MON2: variants seen among roughly 807,000 people sequenced by gnomAD.
MON2 encodes protein MON2 homolog.
In MON2, 84 loss-of-function variants were observed where a neutral mutation model predicts 208.6. The observed-to-expected ratio is 0.40, with a 90% CI of 0.34 to 0.48. The LOEUF (loss-of-function observed/expected upper bound fraction) is 0.48. Ranked by LOEUF, MON2 falls within the 20% of genes least tolerant of loss-of-function variation. The probability of loss-of-function intolerance (pLI) is 0.59; values close to 1 mark genes in which losing one functional copy is unlikely to be tolerated. For missense variants in MON2, 1,611 were observed against 2,015.4 expected, an observed-to-expected ratio of 0.80 and a Z score of 3.84; for synonymous variants, 660 against 694.0, an observed-to-expected ratio of 0.95 and a Z score of 0.77.
chr12:62,560,617 T>G lies in MON2; in HGVS notation c.3536T>G (p.Val1179Gly), dbSNP rs760285348. ...FQEILQIVSP[V>G]RDSDKPETPP... Reference sequence around the variant, plus strand: ...GAAATTTTACAGATTGTGTCCCCTGTCAGAGACTCAGATAAGCCTGAGACA... The same window carrying G: ...GAAATTTTACAGATTGTGTCCCCTGGCAGAGACTCAGATAAGCCTGAGACA... Residue 1179 changes from valine (V) to glycine (G), a missense_variant, in exon 26 of 35, where the codon GTC becomes GGC. Physicochemically the swap from Val to Gly is moderately radical, Grantham distance 109 (BLOSUM62 -3). Coordinates refer to ENST00000393630, the MANE Select transcript of MON2 (RefSeq NM_015026.3). 6.2e-7 allele frequency: 1 copy of G among 1,614,094 alleles called. No homozygotes were observed. Among genetic ancestry groups the G allele is most frequent in the Non-Finnish European group, 8.5e-7 (1 of 1,180,006 alleles).
intron 29 of MON2, among the ~76,000 whole-genome samples, chr12:62,570,734 T>C (rs1174256657): frequency 3.0e-5 from 4 of 133,162 alleles, no homozygotes; most frequent in African/African-American, 5.7e-5. Context: ...TTTTTTTTTT[T>C]TTTTTTTTTT....
At chr12:62,524,787 G>T in intron 9 of MON2, 148 bp downstream of exon 9, 1 of 836,798 alleles carries the variant, frequency 1.2e-6, no homozygotes, top group South Asian at 2.0e-5. Flanking sequence ...ATAGGGTATT[G>T]TATCTATAAG....
At chr12:62,585,097 AC>A (rs2075162765) in intron 32 of MON2, among the ~76,000 whole-genome samples, 196 bp from the exon 33 acceptor site, 4 of 107,780 alleles carry the variant, frequency 3.7e-5, no homozygotes, top group African/African-American at 7.9e-5. Context: ...ACACACACAC[AC>A]ACACACACAC....
intron 1 of MON2, among the ~76,000 whole-genome samples, chr12:62,483,902 T>C (rs774171146): frequency 6.6e-6 from 1 of 152,240 alleles, no homozygotes; most frequent in Non-Finnish European, 1.5e-5. Context: ...GGGATTGAGG[T>C]ATTCCAGATA....
chr12:62,520,599 G>A (rs1029873504), intron 8 of MON2, among the ~76,000 whole-genome samples: 1 of 151,858 alleles, frequency 6.6e-6, no homozygotes, highest in Non-Finnish European at 1.5e-5. Flanking sequence ...CAGTAAAAAC[G>A]CTTCATGTGT....
At chr12:62,549,627 A>G (rs1165546931) in intron 22 of MON2, 41 bp from the exon 23 acceptor site, 3 of 1,518,384 alleles carry the variant, frequency 2.0e-6, no homozygotes, top group Non-Finnish European at 2.7e-6. Context: ...TAAATAAATA[A>G]ATAAAATAAG....
At chr12:62,549,109 A>G (rs1277581821) in intron 22 of MON2, among the ~76,000 whole-genome samples, 1 of 152,120 alleles carries the variant, frequency 6.6e-6, no homozygotes, top group African/African-American at 2.4e-5. Flanking sequence ...AAGTAATATG[A>G]TGTTAATACT....
At chr12:62,585,180 G>T (rs1366237748) in intron 32 of MON2, 114 bp from the exon 33 acceptor site, 1 of 755,076 alleles carries the variant, frequency 1.3e-6, no homozygotes, top group Non-Finnish European at 2.2e-6. Flanking sequence ...GTTGTTCTAG[G>T]TGCCTTTCAC....
At chr12:62,504,543 G>A (rs535692461) in intron 7 of MON2, among the ~76,000 whole-genome samples, 4 of 151,928 alleles carry the variant, frequency 2.6e-5, no homozygotes, top group Admixed American at 1.3e-4. Context: ...CACCGCACCC[G>A]GCCTGTTTTT....
At chr12:62,512,086 G>T (rs1457242537) in intron 8 of MON2, among the ~76,000 whole-genome samples, 1 of 152,094 alleles carries the variant, frequency 6.6e-6, no homozygotes, top group Non-Finnish European at 1.5e-5. Context: ...CCTCCCACCA[G>T]GTCCCTCCCA....
At chr12:62,486,141 A>G (rs2069777176) in intron 2 of MON2, among the ~76,000 whole-genome samples, 3 of 152,102 alleles carry the variant, frequency 2.0e-5, no homozygotes, top group Admixed American at 2.0e-4. Context: ...TATCACTGTA[A>G]ATATTTAAAA....
intron 30 of MON2, among the ~76,000 whole-genome samples, chr12:62,571,795 A>G (rs561365829): frequency 6.6e-6 from 1 of 152,350 alleles, no homozygotes; most frequent in East Asian, 1.9e-4. Context: ...CTTATAAGAC[A>G]GGAATATTAT....
At chr12:62,579,279 AAG>A (rs1291468424) in intron 31 of MON2, among the ~76,000 whole-genome samples, 2 of 151,994 alleles carry the variant, frequency 1.3e-5, no homozygotes, top group Non-Finnish European at 2.9e-5. Context: ...GTAAAAAAGT[AAG>A]AAATATGTTT....
intron 7 of MON2, among the ~76,000 whole-genome samples, chr12:62,506,687 T>C (rs1173389450): frequency 1.3e-5 from 2 of 151,512 alleles, no homozygotes; most frequent in East Asian, 1.9e-4. Flanking sequence ...GATTGTACCA[T>C]TGCACTCCAG....
At chr12:62,564,603 A>C (rs1304827381) in intron 26 of MON2, among the ~76,000 whole-genome samples, 6 of 152,112 alleles carry the variant, frequency 3.9e-5, no homozygotes, top group African/African-American at 1.4e-4. Flanking sequence ...ATTTGAAGTA[A>C]GAAACCTAGA....
At chr12:62,512,825 C>T (rs1219981876) in intron 8 of MON2, among the ~76,000 whole-genome samples, 2 of 152,218 alleles carry the variant, frequency 1.3e-5, no homozygotes, top group Non-Finnish European at 2.9e-5. Context: ...CCTGGGCATC[C>T]AGATGTTTCC....
intron 2 of MON2, among the ~76,000 whole-genome samples, 154 bp downstream of exon 2, chr12:62,484,387 A>C (rs945161738): frequency 6.6e-6 from 1 of 152,218 alleles, no homozygotes; most frequent in East Asian, 1.9e-4. Flanking sequence ...GCAAAAGTCC[A>C]TAACTTATGA....
intron 25 of MON2, among the ~76,000 whole-genome samples, chr12:62,558,706 T>G (rs973238007): frequency 5.8e-4 from 88 of 150,490 alleles, no homozygotes; most frequent in African/African-American, 2.1e-3. Context: ...TTTTTTTTTT[T>G]GAGATGGAGT....
rs144890374 is a variant in MON2, at chr12:62,566,402, G to A, written c.4275G>A (p.Ala1425=). 31 of 1,613,446 alleles carry A rather than the reference G, an allele frequency of 1.9e-5. No homozygotes were observed. The highest frequency in any genetic ancestry group is 1.5e-4 in the Admixed American group (9 of 59,956). Residue 1425 remains alanine (A), a synonymous_variant, in exon 29 of 35, where the codon GCG becomes GCA. Transcript: ENST00000393630. The part of the protein sequence containing the change: ...EVVVDLYQKT[A]CHKAVVNEKV... ...TTGTGGATTTATACCAAAAAACAGC[G>A]TGTCACAAAGCAGTGGTGAATGAGA...
Sources: allele counts gnomAD v4.1 joint callset (sites outside exome capture counted in the v4.1 genomes callset), GRCh38; gene constraint gnomAD v4.1.1; transcripts MANE v1.5; gene names NCBI Gene and HGNC (gene_info 2026-07-23, HGNC 2026-07-21).